ANKRD12: variants seen among roughly 807,000 people sequenced by gnomAD.
ANKRD12 encodes the protein ankyrin repeat domain 12, also known as ankyrin repeat domain-containing protein 12.
ANKRD12 carries 85 observed loss-of-function variants against 183.4 expected under a neutral mutation model. That is an observed-to-expected ratio of 0.46 (90% CI 0.39 to 0.56). The LOEUF is 0.56. ANKRD12 is among the 20% of genes least tolerant of loss of function. ANKRD12 has a pLI of 0.00. For synonymous variants in ANKRD12, 914 were observed against 800.2 expected (o/e 1.14, Z -2.40); for missense variants, 2,405 against 2,357.1 (o/e 1.02, Z -0.42).
rs561688412 is a variant in ANKRD12 at position 9,243,838 on chromosome 18, G to A, written c.944-10373G>A. 3.9e-5 allele frequency among the ~76,000 whole-genome samples: 6 copies of A among 152,296 alleles called. 1 individual carries two copies. In the South Asian group the frequency reaches 1.2e-3, roughly 32 times the overall value. ...TGTTAGGAAAATAGTTTTTTAAATT[G>A]AAGAAAGTGTCTTGAGATGGGTGCG... On this transcript the variant is annotated intron_variant, in intron 8 of 12. Coordinates refer to ENST00000262126, the MANE Select transcript of ANKRD12 (RefSeq NM_015208.5).
chr18:9,157,550 G>GTGTGT (rs1555707776), intron 1 of ANKRD12, among the ~76,000 whole-genome samples: 7 of 114,586 alleles, frequency 6.1e-5, no homozygotes, highest in African/African-American at 2.8e-4. Flanking sequence ...GGTGTGTGTG[G>GTGTGT]GTGTGTGTGT....
At chr18:9,168,610 T>G (rs2032339840) in intron 1 of ANKRD12, among the ~76,000 whole-genome samples, 3 of 152,188 alleles carry the variant, frequency 2.0e-5, no homozygotes, top group Admixed American at 2.0e-4. Flanking sequence ...TCTTTTCTCT[T>G]TTCTTCTTTA....
chr18:9,259,532 T>C (rs531067792), intron 9 of ANKRD12: 1 of 152,222 alleles, frequency 6.6e-6, no homozygotes, highest in South Asian at 2.1e-4. Context: ...GCAAAGGTGA[T>C]GTAATTCAAG....
chr18:9,277,382 C>T (rs1598787607), intron 11 of ANKRD12, among the ~76,000 whole-genome samples: 2 of 137,690 alleles, frequency 1.5e-5, no homozygotes, highest in South Asian at 2.3e-4. Flanking sequence ...GGCTGGAGTG[C>T]AGTGGCACGA....
chr18:9,235,040 A>G (rs1337088159), intron 8 of ANKRD12, among the ~76,000 whole-genome samples: 2 of 152,142 alleles, frequency 1.3e-5, no homozygotes, highest in Non-Finnish European at 2.9e-5. Flanking sequence ...TTCTCTTCCT[A>G]GATACCCTAT....
intron 8 of ANKRD12, among the ~76,000 whole-genome samples, chr18:9,222,610 A>G (rs1436594041): frequency 6.6e-6 from 1 of 152,130 alleles, no homozygotes; most frequent in Non-Finnish European, 1.5e-5. Context: ...AGTTTTACAA[A>G]TGGCTGTTTC....
At position 9,283,184 on chromosome 18, in the gene ANKRD12, G is replaced by GGTA. The variant is rs1490361443; in HGVS notation, c.*2059_*2061dup. ...TTGAAGTTATAGAAAATCAGAGAGG[G>GGTA]GTAAGTTTATAGGGCATTTTGTTCT... On this transcript the variant is annotated 3_prime_UTR_variant, in exon 13 of 13. Transcript: ENST00000262126. 6.6e-6 allele frequency: 1 copy of GGTA among 152,100 alleles called. No individual in the cohort carries two copies. Among genetic ancestry groups the GGTA allele is most frequent in the Admixed American group, 6.6e-5 (1 of 15,264 alleles). The allele number at this position is 152,100 out of a possible 1,614,324, so 9.4% of individuals were successfully genotyped here.
chr18:9,272,874 C>G (rs2039672670), intron 10 of ANKRD12, among the ~76,000 whole-genome samples: 1 of 151,836 alleles, frequency 6.6e-6, no homozygotes, highest in Non-Finnish European at 1.5e-5. Flanking sequence ...TGCAATAATA[C>G]ATTTTTGGAT....
chr18:9,265,529 T>C (rs1049838214), intron 10 of ANKRD12, among the ~76,000 whole-genome samples: 4 of 152,158 alleles, frequency 2.6e-5, no homozygotes, highest in Non-Finnish European at 5.9e-5. Context: ...GGAGTGGGCC[T>C]CCAGCAAACT....
intron 1 of ANKRD12, among the ~76,000 whole-genome samples, chr18:9,181,528 A>G (rs1415047856): frequency 6.6e-6 from 1 of 152,308 alleles, no homozygotes; most frequent in East Asian, 1.9e-4. Context: ...AGCAGCCTCA[A>G]TCTAGCCCAG....
intron 8 of ANKRD12, among the ~76,000 whole-genome samples, chr18:9,250,944 G>A (rs942207448): frequency 1.1e-4 from 16 of 152,264 alleles, no homozygotes; most frequent in African/African-American, 3.9e-4. Context: ...GTAGTTGTAA[G>A]GAGTCCAGGA....
At chr18:9,150,945 GC>G (rs2078664922) in intron 1 of ANKRD12, among the ~76,000 whole-genome samples, 1 of 143,728 alleles carries the variant, frequency 7.0e-6, no homozygotes, top group Admixed American at 7.3e-5. Flanking sequence ...AAGCCATCGC[GC>G]CCAGCCAATT....
intron 1 of ANKRD12, among the ~76,000 whole-genome samples, chr18:9,159,649 C>T (rs965560998): frequency 2.0e-5 from 3 of 151,564 alleles, no homozygotes; most frequent in African/African-American, 4.8e-5. Context: ...CCGTGTTAGC[C>T]AGGATGGTCT....
chr18:9,160,716 A>C (rs941423546), intron 1 of ANKRD12, among the ~76,000 whole-genome samples: 3 of 152,214 alleles, frequency 2.0e-5, no homozygotes, highest in Non-Finnish European at 2.9e-5. Context: ...TTGCGTTATC[A>C]AGTGTTATGA....
chr18:9,243,952 A>G (rs1281590158), intron 8 of ANKRD12, among the ~76,000 whole-genome samples: 1 of 152,206 alleles, frequency 6.6e-6, no homozygotes, highest in Non-Finnish European at 1.5e-5. Context: ...CCTGACAAAC[A>G]TGGTGAAACC....
At chr18:9,140,016 A>C (rs2078262523) in intron 1 of ANKRD12, among the ~76,000 whole-genome samples, 1 of 152,184 alleles carries the variant, frequency 6.6e-6, no homozygotes, top group African/African-American at 2.4e-5. Context: ...CTGGGTTTAA[A>C]TTCTTGATTT....
At chr18:9,168,022 AT>A (rs2032274059) in intron 1 of ANKRD12, among the ~76,000 whole-genome samples, 3 of 152,156 alleles carry the variant, frequency 2.0e-5, no homozygotes, top group Non-Finnish European at 4.4e-5. Flanking sequence ...GCTTACATTT[AT>A]TGATTTGCAT....
At chr18:9,250,431 A>G (rs1029090739) in intron 8 of ANKRD12, among the ~76,000 whole-genome samples, 2 of 152,152 alleles carry the variant, frequency 1.3e-5, no homozygotes, top group African/African-American at 4.8e-5. Context: ...TTTAAGAGAG[A>G]GTCCAGGCTG....
chr18:9,229,934 T>C (rs1236467806), intron 8 of ANKRD12, among the ~76,000 whole-genome samples: 1 of 152,168 alleles, frequency 6.6e-6, no homozygotes, highest in African/African-American at 2.4e-5. Flanking sequence ...TTTTCTTTTT[T>C]TGTTGTGTCC....
Sources: gnomAD v4.1 joint callset for allele counts (sites outside exome capture counted in the v4.1 genomes callset) on GRCh38, gnomAD v4.1.1 for gene constraint, MANE v1.5 for transcripts, NCBI Gene and HGNC (gene_info 2026-07-23, HGNC 2026-07-21) for gene names.